The following TTC7A variants were observed in gnomAD, a reference collection of about 807,000 sequenced individuals.
TTC7A encodes the protein tetratricopeptide repeat domain 7A.
TTC7A carries 110 observed loss-of-function variants against 103.7 expected under a neutral mutation model. That is an observed-to-expected ratio of 1.06 (90% CI 0.91 to 1.24). The LOEUF (loss-of-function observed/expected upper bound fraction) is 1.24, where lower values mean the gene tolerates loss of function less well. Ranked by LOEUF, TTC7A falls within the 50% of genes most tolerant of loss-of-function variation. TTC7A has a pLI of 0.00. For missense variants in TTC7A, 1,340 were observed against 1,116.3 expected (o/e 1.20, Z -2.86); for synonymous variants, 521 against 467.9 (o/e 1.11, Z -1.47).
Position 47,049,969 on chromosome 2 carries a change from G to T in TTC7A, c.1940G>T (p.Ser647Ile). ...TCCAGAGGCCTAGAAAAGGATGGCA[G>T]CTTCGGTGAGGGCCTCACCATGAAG... ...SQLGGLEKDGSFGEGLTMKKQ... is the reference protein window; with the variant it reads ...SQLGGLEKDGIFGEGLTMKKQ... Residue 647 changes from serine (S) to isoleucine (I), a missense_variant, in exon 17 of 20, where the codon AGC becomes ATC. By Grantham distance (142) the Ser-to-Ile change is moderately radical (BLOSUM62 -2). Coordinates refer to ENST00000319190, the MANE Select transcript of TTC7A (RefSeq NM_020458.4). 1 of 1,614,130 alleles carries T rather than the reference G, an allele frequency of 6.2e-7. No homozygotes were observed. The highest frequency in any genetic ancestry group is 8.5e-7 in the Non-Finnish European group (1 of 1,180,000).
At chr2:47,066,708 TTTA>T (rs2104805084) in intron 19 of TTC7A, among the ~76,000 whole-genome samples, 1 of 152,252 alleles carries the variant, frequency 6.6e-6, no homozygotes, top group Middle Eastern at 3.4e-3. Flanking sequence ...GGCTGGGTAA[TTTA>T]TTATTATATT....
intron 5 of TTC7A, among the ~76,000 whole-genome samples, chr2:46,986,878 G>T (rs1018080733): frequency 1.3e-5 from 2 of 152,126 alleles, no homozygotes; most frequent in African/African-American, 4.8e-5. Flanking sequence ...GACCCCAGAC[G>T]CTTTCCTTGG....
chr2:47,070,490 G>C (rs1027468715), intron 19 of TTC7A, among the ~76,000 whole-genome samples: 2 of 152,210 alleles, frequency 1.3e-5, no homozygotes, highest in African/African-American at 4.8e-5. Flanking sequence ...TGTCCTTTGG[G>C]GAATAACAAA....
intron 2 of TTC7A, among the ~76,000 whole-genome samples, chr2:46,953,007 G>A (rs777301814): frequency 6.6e-6 from 1 of 152,098 alleles, no homozygotes; most frequent in Non-Finnish European, 1.5e-5. Flanking sequence ...CACATGTATT[G>A]TGACAACGGT....
chr2:47,020,743 G>T (rs1293587522), intron 11 of TTC7A, among the ~76,000 whole-genome samples: 1 of 152,232 alleles, frequency 6.6e-6, no homozygotes, highest in Non-Finnish European at 1.5e-5. Flanking sequence ...AATAGCCTCT[G>T]TCTCATGATC....
chr2:47,053,543 T>TTGGTTGTTTGGTTGG (rs56072760), intron 18 of TTC7A, among the ~76,000 whole-genome samples: 1 of 140,138 alleles, frequency 7.1e-6, no homozygotes, highest in African/African-American at 2.8e-5. Flanking sequence ...TGTTTGTTTG[T>TTGGTTGTTTGGTTGG]TTGGTTGGTT....
intron 4 of TTC7A, among the ~76,000 whole-genome samples, chr2:46,976,242 C>T (rs1673867038): frequency 6.6e-6 from 1 of 152,224 alleles, no homozygotes; most frequent in Admixed American, 6.5e-5. Context: ...TTGTCATTCC[C>T]ATTTTACAAG....
chr2:47,060,996 C>T, intron 19 of TTC7A, 25 bp downstream of exon 19: 1 of 1,563,762 alleles, frequency 6.4e-7, no homozygotes, highest in South Asian at 1.2e-5. Context: ...CCCGCGCTCC[C>T]ACCACCTCCT....
intron 3 of TTC7A, among the ~76,000 whole-genome samples, chr2:46,958,821 T>G (rs877047): frequency 0.32 from 49,166 of 151,954 alleles, 9,026 homozygotes; most frequent in East Asian, 0.65. Flanking sequence ...CCATGCAGAG[T>G]AGAGGCCACA....
At chr2:46,962,015 T>C (rs968211175) in intron 3 of TTC7A, among the ~76,000 whole-genome samples, 2 of 152,224 alleles carry the variant, frequency 1.3e-5, no homozygotes, top group African/African-American at 2.4e-5. Flanking sequence ...TTTGACTCCA[T>C]GTGCTCATGG....
intron 10 of TTC7A, 64 bp from the exon 11 acceptor site, chr2:47,011,267 C>G (rs1192241228): frequency 2.0e-6 from 3 of 1,474,390 alleles, no homozygotes; most frequent in African/African-American, 2.8e-5. Flanking sequence ...GAAGCTCGCC[C>G]CACTGTGGGC....
chr2:46,917,704 T>G (rs1471857873), intron 2 of TTC7A, among the ~76,000 whole-genome samples: 1 of 152,206 alleles, frequency 6.6e-6, no homozygotes, highest in Non-Finnish European at 1.5e-5. Context: ...CTTGCTGTAT[T>G]TTCTCCCCCA....
In TTC7A at chr2:46,941,235, TGCAGCGGCG is replaced by T. The variant is rs1006531705; in HGVS notation, c.-304_-296del. The T allele has an allele frequency of 2.1e-4, 31 of 149,794 alleles. No individual in the cohort carries two copies. Among genetic ancestry groups the T allele is most frequent in the Admixed American group, 1.2e-3 (18 of 14,890 alleles). 9.3% of individuals were successfully genotyped at this position (149,794 alleles called of 1,614,324 possible). ...CCGGGGCGGAGGCTGTGGCAGCAGC[TGCAGCGGCG>T]GCGGCGGCGGCAGCGCCAGGAGCTG... On this transcript the variant is annotated 5_prime_UTR_variant, in exon 1 of 20. Coordinates refer to ENST00000319190, the MANE Select transcript of TTC7A (RefSeq NM_020458.4). The surrounding 1 kb of genome is among the most constrained non-coding windows in gnomAD (Gnocchi z 4.2).
intron 11 of TTC7A, among the ~76,000 whole-genome samples, chr2:47,019,487 C>T (rs559335959): frequency 8.5e-5 from 13 of 152,086 alleles, no homozygotes; most frequent in African/African-American, 1.4e-4. Flanking sequence ...GGCTTAGAGA[C>T]GGTTTTAAAC....
At chr2:46,916,130 A>C (rs550815327), upstream of TTC7A, 164 of 985,466 alleles carry the variant, frequency 1.7e-4, 3 homozygotes, top group African/African-American at 2.7e-3. Context: ...GCGGACCCCA[A>C]AGCTGGCTCC....
intron 2 of TTC7A, among the ~76,000 whole-genome samples, chr2:46,919,047 TG>T (rs972082302): frequency 4.6e-5 from 7 of 152,168 alleles, no homozygotes; most frequent in Non-Finnish European, 1.0e-4. Context: ...GGCCTCTAGG[TG>T]GCATCTCTTT....
intron 1 of TTC7A, among the ~76,000 whole-genome samples, chr2:46,916,797 G>A (rs1668817803): frequency 6.6e-6 from 1 of 152,188 alleles, no homozygotes; most frequent in African/African-American, 2.4e-5. Context: ...ACCTTGCCCG[G>A]CTAATTTTTG....
At chr2:46,919,959 T>C (rs553089231) in intron 2 of TTC7A, among the ~76,000 whole-genome samples, 1 of 152,356 alleles carries the variant, frequency 6.6e-6, no homozygotes, top group South Asian at 2.1e-4. Flanking sequence ...TTCATATTTC[T>C]GATAAGGGTG....
chr2:46,916,153 C>T, upstream of TTC7A: 2 of 985,554 alleles, frequency 2.0e-6, no homozygotes, highest in Non-Finnish European at 2.4e-6. Context: ...ACTCCGCTCA[C>T]CCCCTCCTAT....
Sources: gnomAD v4.1 joint callset for allele counts (sites outside exome capture counted in the v4.1 genomes callset) on GRCh38, gnomAD v4.1.1 for gene constraint, Gnocchi (gnomAD v3.1) non-coding constraint, MANE v1.5 for transcripts, NCBI Gene and HGNC (gene_info 2026-07-23, HGNC 2026-07-21) for gene names.